The following ANKS1B variants were observed in gnomAD, a reference collection of about 807,000 sequenced individuals.
ANKS1B encodes ankyrin repeat and sterile alpha motif domain-containing protein 1B.
ANKS1B carries 36 observed loss-of-function variants against 148.3 expected under a neutral mutation model. The observed-to-expected ratio is 0.24, with a 90% CI of 0.19 to 0.32. The LOEUF (loss-of-function observed/expected upper bound fraction) is 0.32, where lower values mean the gene tolerates loss of function less well. ANKS1B is among the 10% of genes least tolerant of loss of function. The pLI is 1.00. For missense variants in ANKS1B, 1,157 were observed against 1,542.6 expected (o/e 0.75, Z 4.19); for synonymous variants, 542 against 560.8 (o/e 0.97, Z 0.47).
chr12:99,558,558 A>G (rs893502816), intron 9 of ANKS1B, among the ~76,000 whole-genome samples: 1 of 152,154 alleles, frequency 6.6e-6, no homozygotes, highest in Non-Finnish European at 1.5e-5. Flanking sequence ...GTGTGTGTCA[A>G]CAAGAGCTGG....
At chr12:99,600,268 T>A (rs2097790309) in intron 9 of ANKS1B, among the ~76,000 whole-genome samples, 1 of 151,784 alleles carries the variant, frequency 6.6e-6, no homozygotes, top group Non-Finnish European at 1.5e-5. Context: ...TGGGAAAAAA[T>A]TATTACTAAT....
intron 1 of ANKS1B, among the ~76,000 whole-genome samples, chr12:99,978,627 A>C (rs1274234737): frequency 6.6e-6 from 1 of 152,186 alleles, no homozygotes; most frequent in Non-Finnish European, 1.5e-5. Context: ...TGAGTTTCTT[A>C]TATCAGGGTC....
chr12:99,921,129 C>T (rs1231554382), intron 1 of ANKS1B, among the ~76,000 whole-genome samples: 1 of 152,112 alleles, frequency 6.6e-6, no homozygotes, highest in Non-Finnish European at 1.5e-5. Context: ...CCACCCAAAT[C>T]TCATCTCAAA....
At chr12:99,186,243 G>A (rs2079836162) in intron 14 of ANKS1B, among the ~76,000 whole-genome samples, 1 of 152,126 alleles carries the variant, frequency 6.6e-6, no homozygotes, top group African/African-American at 2.4e-5. Context: ...CCCCAGTCAG[G>A]GCCTTATAGA....
rs1166905899 is a variant in ANKS1B, at chr12:99,789,750, A to G, written c.670-7653T>C. Among the ~76,000 whole-genome samples the G allele has an allele frequency of 2.0e-5, 3 of 152,306 alleles. No individual in the cohort carries two copies. The East Asian group carries it at 5.8e-4, about 29-fold the overall frequency. ...AGCTTGAAGACAGGTATTCGAAGAC[A>G]CACTGAGAGTCTACAGCCATACCGC... On this transcript the variant is annotated intron_variant, in intron 4 of 26. Transcript: ENST00000683438.
At chr12:99,593,906 C>A (rs568482174) in intron 9 of ANKS1B, among the ~76,000 whole-genome samples, 7 of 151,852 alleles carry the variant, frequency 4.6e-5, no homozygotes, top group Admixed American at 4.6e-4. Context: ...TACAAAGTGC[C>A]TGTATACACA....
intron 19 of ANKS1B, among the ~76,000 whole-genome samples, chr12:98,813,654 C>T (rs996689116): frequency 1.4e-5 from 2 of 147,784 alleles, no homozygotes; most frequent in African/African-American, 2.5e-5. Flanking sequence ...GTGATTCTCT[C>T]CCGGGTTCAA....
chr12:98,848,601 C>T (rs1008841547), intron 17 of ANKS1B, among the ~76,000 whole-genome samples: 1 of 151,218 alleles, frequency 6.6e-6, no homozygotes, highest in Admixed American at 6.6e-5. Flanking sequence ...CTCTGTCGCC[C>T]AGGCTGGAGT....
intron 12 of ANKS1B, among the ~76,000 whole-genome samples, chr12:99,262,842 G>T (rs904056319): frequency 1.3e-5 from 2 of 151,608 alleles, no homozygotes; most frequent in African/African-American, 4.8e-5. Context: ...AAGTACATTT[G>T]GTCTTTTATA....
intron 4 of ANKS1B, among the ~76,000 whole-genome samples, chr12:99,797,243 A>T (rs2066363654): frequency 1.3e-5 from 2 of 151,974 alleles, no homozygotes; most frequent in Non-Finnish European, 2.9e-5. Flanking sequence ...TTAAAAAAAA[A>T]TCAAGTGCCT....
At chr12:99,299,574 C>T (rs913103961) in intron 12 of ANKS1B, among the ~76,000 whole-genome samples, 2 of 152,018 alleles carry the variant, frequency 1.3e-5, no homozygotes, top group African/African-American at 4.8e-5. Context: ...AGCTTCTATC[C>T]TGTTGCTTTC....
chr12:98,909,631 G>C (rs1163923599), intron 17 of ANKS1B, among the ~76,000 whole-genome samples: 2 of 152,136 alleles, frequency 1.3e-5, no homozygotes, highest in African/African-American at 4.8e-5. Flanking sequence ...AGTCAAAATG[G>C]AAAAGGAGAA....
chr12:98,794,561 G>GC, intron 22 of ANKS1B: 2 of 722,558 alleles, frequency 2.8e-6, no homozygotes, highest in South Asian at 2.8e-5. Context: ...CGCAATGATT[G>GC]CAAGGTGTTC....
intron 9 of ANKS1B, chr12:99,649,567 G>A (rs552694899): frequency 1.7e-6 from 1 of 580,434 alleles, no homozygotes; most frequent in East Asian, 2.9e-5. Flanking sequence ...AGACTCAGGA[G>A]AGAAACACAG....
chr12:99,741,334 T>C (rs1015469924), intron 8 of ANKS1B, among the ~76,000 whole-genome samples: 2 of 152,086 alleles, frequency 1.3e-5, no homozygotes, highest in Non-Finnish European at 2.9e-5. Context: ...GAAGACAGTG[T>C]GGCAATTCCT....
chr12:99,009,167 G>T (rs1301210866), intron 17 of ANKS1B, among the ~76,000 whole-genome samples: 1 of 152,148 alleles, frequency 6.6e-6, no homozygotes, highest in Non-Finnish European at 1.5e-5. Flanking sequence ...GAATCTGTTG[G>T]GACAACTCGT....
chr12:98,995,881 G>A (rs1162092650), intron 17 of ANKS1B, among the ~76,000 whole-genome samples: 1 of 152,132 alleles, frequency 6.6e-6, no homozygotes, highest in Non-Finnish European at 1.5e-5. Context: ...ACAGGGAAGA[G>A]GACAAGAGTA....
chr12:99,871,031 T>G (rs2091447030), intron 1 of ANKS1B, among the ~76,000 whole-genome samples: 1 of 152,214 alleles, frequency 6.6e-6, no homozygotes, highest in African/African-American at 2.4e-5. Context: ...TTCCAATGTT[T>G]TCTTCTAATA....
At chr12:99,454,307 C>T (rs1466243237) in intron 10 of ANKS1B, among the ~76,000 whole-genome samples, 3 of 152,306 alleles carry the variant, frequency 2.0e-5, no homozygotes, top group African/African-American at 4.8e-5. Flanking sequence ...TGATCAAATG[C>T]TACTTTCATC....
Sources: gnomAD v4.1 joint callset for allele counts (sites outside exome capture counted in the v4.1 genomes callset) on GRCh38, gnomAD v4.1.1 for gene constraint, MANE v1.5 for transcripts, NCBI Gene and HGNC (gene_info 2026-07-23, HGNC 2026-07-21) for gene names.